Variants in STUM observed in about 807,000 individuals in gnomAD.
STUM encodes protein stum homolog.
A neutral mutation model predicts 15.3 loss-of-function variants in STUM; 8 were observed. The ratio of observed to expected loss-of-function variants is 0.52; its 90% CI spans 0.31 to 0.94. The LOEUF is 0.94. Among genes scored for constraint, STUM ranks in the 40% least tolerant of loss-of-function variants. The probability of loss-of-function intolerance (pLI) is 0.05; values close to 1 mark genes in which losing one functional copy is unlikely to be tolerated. For missense variants in STUM, 142 were observed against 204.9 expected, an observed-to-expected ratio of 0.69 and a Z score of 1.87; for synonymous variants, 78 against 88.7, an observed-to-expected ratio of 0.88 and a Z score of 0.68.
intron 1 of STUM, among the ~76,000 whole-genome samples, chr1:226,576,126 A>G (rs570722820): frequency 2.2e-4 from 34 of 152,358 alleles, no homozygotes; most frequent in African/African-American, 7.7e-4. Flanking sequence ...GACCACCAGA[A>G]TGGAGCACGA....
intron 1 of STUM, among the ~76,000 whole-genome samples, chr1:226,562,474 G>GAA (rs58206352): frequency 8.3e-5 from 9 of 108,594 alleles, no homozygotes; most frequent in Non-Finnish European, 1.2e-4. Flanking sequence ...GACTCCTTCT[G>GAA]AAAAAAAAAA....
intron 1 of STUM, among the ~76,000 whole-genome samples, chr1:226,584,718 A>C (rs1667971737): frequency 6.6e-6 from 1 of 152,212 alleles, no homozygotes; most frequent in South Asian, 2.1e-4. Context: ...ACAGCCTTGC[A>C]GAGTCCCATG....
chr1:226,606,857 A>C lies in STUM; in HGVS notation c.*4817A>C, dbSNP rs1331556277. On this transcript the variant is annotated 3_prime_UTR_variant, in exon 4 of 4. Coordinates refer to ENST00000366788, the MANE Select transcript of STUM (RefSeq NM_001003665.4). ...GCCTCGGGCAGTCCTCACCAGGGGG[A>C]CACCTCCCTGCTTTGCATTAACTCA... is the stretch of plus-strand genomic sequence containing the variant. The C allele has an allele frequency of 1.3e-5, 2 of 152,144 alleles. No homozygotes were observed. The highest frequency in any genetic ancestry group is 4.8e-5 in the African/African-American group (2 of 41,420). The allele number at this position is 152,144 out of a possible 1,614,324, so 9.4% of individuals were successfully genotyped here. A position where few individuals can be genotyped will look rare whatever the true frequency, so the allele number is the denominator to read the frequency against.
chr1:226,580,107 G>C (rs768110975), intron 1 of STUM, among the ~76,000 whole-genome samples: 2 of 135,106 alleles, frequency 1.5e-5, no homozygotes, highest in African/African-American at 2.9e-5. Context: ...AAAGTGGGTG[G>C]AGGTAAGAGA....
At chr1:226,563,155 A>G (rs570962982) in intron 1 of STUM, among the ~76,000 whole-genome samples, 81 of 152,372 alleles carry the variant, frequency 5.3e-4, no homozygotes, top group African/African-American at 1.9e-3. Context: ...TTTTAAAATA[A>G]AAAGTTAAAA....
intron 2 of STUM, among the ~76,000 whole-genome samples, chr1:226,599,217 G>C (rs906720704): frequency 3.9e-5 from 6 of 152,148 alleles, no homozygotes; most frequent in African/African-American, 1.2e-4. Context: ...ACCATATCAG[G>C]GGGATAGACT....
rs376718968 is a variant in STUM, at chr1:226,574,492, G to C, written c.203-22310G>C. ...GTTGAATGTCGTTGGCCCGGCTTGA[G>C]TTATGTGCCCTTCCCTGTGTAATCA... On this transcript the variant is annotated intron_variant, in intron 1 of 3. Transcript: ENST00000366788. Among the ~76,000 whole-genome samples, 17 of 152,316 alleles carry C rather than the reference G, an allele frequency of 1.1e-4. No individual in the cohort carries two copies. In the East Asian group the frequency reaches 1.5e-3, roughly 14 times the overall value.
At chr1:226,582,718 G>A (rs1444986791) in intron 1 of STUM, among the ~76,000 whole-genome samples, 4 of 152,078 alleles carry the variant, frequency 2.6e-5, no homozygotes, top group African/African-American at 9.7e-5. Flanking sequence ...TCCTGAAAAG[G>A]TTTTCCACAG....
intron 1 of STUM, among the ~76,000 whole-genome samples, chr1:226,581,177 A>G (rs2102701689): frequency 6.6e-6 from 1 of 152,348 alleles, no homozygotes; most frequent in African/African-American, 2.4e-5. Flanking sequence ...CATTGTCCCA[A>G]ACAGTCTCAT....
chr1:226,566,196 C>G (rs1667622858), intron 1 of STUM, among the ~76,000 whole-genome samples: 1 of 152,194 alleles, frequency 6.6e-6, no homozygotes, highest in South Asian at 2.1e-4. Flanking sequence ...CCAATGATTT[C>G]TTGTTATGAG....
In STUM at chr1:226,558,093, T is replaced by A. The variant is rs72752516; in HGVS notation, c.202+8987T>A. ...TCTGGAACAGGACAAGGATGCCCAC[T>A]TTTGCCACTTCTATTCAACATAATG... On this transcript the variant is annotated intron_variant, in intron 1 of 3. Transcript: ENST00000366788. Among the ~76,000 whole-genome samples the A allele has an allele frequency of 5.9e-3, 897 of 152,272 alleles. 3 individuals are homozygous for A. Among genetic ancestry groups the A allele is most frequent in the South Asian group, 0.016 (78 of 4,824 alleles).
At chr1:226,561,889 AT>A (rs1279011153) in intron 1 of STUM, among the ~76,000 whole-genome samples, 1 of 152,052 alleles carries the variant, frequency 6.6e-6, no homozygotes, top group Non-Finnish European at 1.5e-5. Flanking sequence ...CATCATCTGA[AT>A]CCTGAAAAAT....
chr1:226,580,387 G>A (rs1055745648), intron 1 of STUM, among the ~76,000 whole-genome samples: 3 of 152,140 alleles, frequency 2.0e-5, no homozygotes, highest in Non-Finnish European at 4.4e-5. Context: ...GGAGAATGAA[G>A]TCTTCAATCA....
chr1:226,593,057 A>G (rs571449538), intron 1 of STUM, among the ~76,000 whole-genome samples: 2 of 152,220 alleles, frequency 1.3e-5, no homozygotes, highest in East Asian at 1.9e-4. Context: ...ATGATGGTGC[A>G]TGCCTGTAAT....
chr1:226,571,153 C>T (rs905799431), intron 1 of STUM, among the ~76,000 whole-genome samples: 6 of 152,072 alleles, frequency 3.9e-5, no homozygotes, highest in African/African-American at 1.4e-4. Context: ...TTTGCTTGAA[C>T]CCGGGAGACG....
At chr1:226,595,853 G>C (rs1223513006) in intron 1 of STUM, among the ~76,000 whole-genome samples, 1 of 152,224 alleles carries the variant, frequency 6.6e-6, no homozygotes, top group Non-Finnish European at 1.5e-5. Flanking sequence ...CCTCCAGAAG[G>C]ACTCATCCCT....
rs1199208661 is a variant in STUM at position 226,552,300 on chromosome 1, T to C, written c.202+3194T>C. 2.0e-5 allele frequency among the ~76,000 whole-genome samples: 3 copies of C among 152,094 alleles called. No individual in the cohort carries two copies. Among genetic ancestry groups the C allele is most frequent in the Non-Finnish European group, 4.4e-5 (3 of 68,012 alleles). On this transcript the variant is annotated intron_variant, in intron 1 of 3. Coordinates refer to ENST00000366788, the MANE Select transcript of STUM (RefSeq NM_001003665.4). This position sits in a 1 kb window ranked among gnomAD's most constrained non-coding sequence, Gnocchi z 4.7. ...TCACTCCAACTCCTCACTGAAACAA[T>C]GAAAAACAATTTTTACAAGTGGACA... is the stretch of plus-strand genomic sequence containing the variant.
intron 1 of STUM, among the ~76,000 whole-genome samples, chr1:226,554,949 G>T (rs1667423093): frequency 6.6e-6 from 1 of 152,114 alleles, no homozygotes; most frequent in Non-Finnish European, 1.5e-5. Context: ...ACTTGTCAGG[G>T]TCGCCAGTCT....
chr1:226,594,479 G>A lies in STUM; in HGVS notation c.203-2323G>A, dbSNP rs1415497098. Among the ~76,000 whole-genome samples, 4 of 152,138 alleles carry A rather than the reference G, an allele frequency of 2.6e-5. No homozygotes were observed. The South Asian group carries it at 6.2e-4, about 24-fold the overall frequency. On this transcript the variant is annotated intron_variant, in intron 1 of 3. Coordinates refer to ENST00000366788, the MANE Select transcript of STUM (RefSeq NM_001003665.4). ...ATGCCCTGCTTTCTGGTCTGGGCCC[G>A]CTTTTAACAGGCCATCTACACCTGG...
Sources: gnomAD v4.1 joint callset for allele counts (sites outside exome capture counted in the v4.1 genomes callset) on GRCh38, gnomAD v4.1.1 for gene constraint, Gnocchi (gnomAD v3.1) non-coding constraint, MANE v1.5 for transcripts, NCBI Gene and HGNC (gene_info 2026-07-23, HGNC 2026-07-21) for gene names.